Variants in SYNE2 observed in about 807,000 individuals in gnomAD.
SYNE2 encodes the protein spectrin repeat containing nuclear envelope protein 2.
SYNE2 carries 431 observed loss-of-function variants against 856.3 expected under a neutral mutation model. That is an observed-to-expected ratio of 0.50 (90% CI 0.47 to 0.55). SYNE2 has a LOEUF of 0.55. Among genes scored for constraint, SYNE2 ranks in the 20% least tolerant of loss-of-function variants. The pLI is 0.00. For missense variants in SYNE2, 8,129 were observed against 8,023.2 expected (o/e 1.01, Z -0.50); for synonymous variants, 2,923 against 2,872.3 (o/e 1.02, Z -0.56).
At chr14:64,049,008 G>A (rs1405887782) in intron 46 of SYNE2, 1 of 151,972 alleles carries the variant, frequency 6.6e-6, no homozygotes, top group Non-Finnish European at 1.5e-5. Context: ...GATGGGTGAT[G>A]TATGTAAATA....
At chr14:64,017,837 T>G in intron 34 of SYNE2, 81 bp downstream of exon 34, 1 of 1,382,526 alleles carries the variant, frequency 7.2e-7, no homozygotes, top group Non-Finnish European at 1.0e-6. Flanking sequence ...TCAACAAACA[T>G]TAGGATGCTC....
Position 64,170,303 on chromosome 14 carries a change from G to A in SYNE2, c.17076G>A (p.Lys5692=), listed in dbSNP as rs776183802. 2.5e-6 allele frequency: 4 copies of A among 1,614,062 alleles called. No individual in the cohort carries two copies. In the African/African-American group the frequency reaches 4.0e-5, roughly 16 times the overall value. Residue 5692 remains lysine (K), a synonymous_variant, in exon 94 of 116, where the codon AAG becomes AAA. Coordinates refer to ENST00000555002, the MANE Select transcript of SYNE2 (RefSeq NM_182914.3). The part of the protein sequence containing the change: ...QNAVQGVRQR[K]GDVDGLVRQW... ...CTGTCCAGGGTGTTCGGCAGAGGAAGGGTGACGTTGATGGGCTGGTGAGGC... is the reference window on the plus strand; with the variant it reads ...CTGTCCAGGGTGTTCGGCAGAGGAAAGGTGACGTTGATGGGCTGGTGAGGC...
intron 1 of SYNE2, among the ~76,000 whole-genome samples, chr14:63,784,175 T>C (rs1423185724): frequency 6.6e-6 from 1 of 152,150 alleles, no homozygotes; most frequent in Non-Finnish European, 1.5e-5. Context: ...CCTATACTAT[T>C]CTTGCAAGTT....
intron 1 of SYNE2, chr14:63,762,089 G>C: frequency 2.1e-6 from 1 of 476,270 alleles, no homozygotes; most frequent in Non-Finnish European, 4.3e-6. Flanking sequence ...TTTGTTCAAT[G>C]AATTTTTGTT....
chr14:63,815,809 T>G (rs935039605), intron 1 of SYNE2, among the ~76,000 whole-genome samples: 2 of 152,112 alleles, frequency 1.3e-5, no homozygotes, highest in African/African-American at 4.8e-5. Flanking sequence ...ACACTCAAAT[T>G]ACAAGATATG....
chr14:63,866,106 A>T (rs1428947973), intron 1 of SYNE2, among the ~76,000 whole-genome samples: 1 of 152,164 alleles, frequency 6.6e-6, no homozygotes. Context: ...CAAAATACAT[A>T]TAATATGTTC....
intron 2 of SYNE2, among the ~76,000 whole-genome samples, chr14:63,927,304 GT>G (rs2153389732): frequency 1.3e-5 from 2 of 151,812 alleles, no homozygotes; most frequent in African/African-American, 4.8e-5. Flanking sequence ...TCCCAGCACT[GT>G]GGATGGCTGA....
At chr14:63,877,688 T>G (rs2094758202) in intron 1 of SYNE2, among the ~76,000 whole-genome samples, 1 of 152,176 alleles carries the variant, frequency 6.6e-6, no homozygotes, top group Admixed American at 6.6e-5. Flanking sequence ...TATTTAACAG[T>G]GGAGTTGGGG....
intron 1 of SYNE2, among the ~76,000 whole-genome samples, chr14:63,897,068 A>G (rs768799251): frequency 7.9e-5 from 12 of 152,192 alleles, no homozygotes; most frequent in Admixed American, 3.3e-4. Flanking sequence ...CCTGGCCAAC[A>G]TGGTGAAACC....
chr14:63,799,890 G>T (rs1888066929), intron 1 of SYNE2, among the ~76,000 whole-genome samples: 1 of 152,132 alleles, frequency 6.6e-6, no homozygotes, highest in South Asian at 2.1e-4. Context: ...TCTAATAGAA[G>T]ATACTGCCAG....
At chr14:64,017,273 G>C (rs1453418599) in intron 33 of SYNE2, among the ~76,000 whole-genome samples, 1 of 137,712 alleles carries the variant, frequency 7.3e-6, no homozygotes, top group Admixed American at 8.0e-5. Flanking sequence ...AGCTTGCAGT[G>C]AGCCGAGTTC....
At chr14:64,098,925 T>C (rs772710967) in intron 63 of SYNE2, 104 bp downstream of exon 63, 59 of 1,109,262 alleles carry the variant, frequency 5.3e-5, no homozygotes, top group Non-Finnish European at 7.3e-5. Flanking sequence ...TTTTTAAAAT[T>C]AATGTTGATA....
chr14:63,847,308 GTTGGGTGTGGTGGC>G (rs1890258409), intron 1 of SYNE2, among the ~76,000 whole-genome samples: 1 of 151,552 alleles, frequency 6.6e-6, no homozygotes. Context: ...TAATAAATTA[GTTGGGTGTGGTGGC>G]ATGTGCCTGC....
At chr14:64,032,312 CATCTGTA>C (rs2097045772) in intron 45 of SYNE2, among the ~76,000 whole-genome samples, 1 of 152,076 alleles carries the variant, frequency 6.6e-6, no homozygotes, top group Admixed American at 6.5e-5. Flanking sequence ...TGGTGGCTCA[CATCTGTA>C]ATCCTAGCAC....
At chr14:64,179,942 A>C (rs1316433463) in intron 96 of SYNE2, among the ~76,000 whole-genome samples, 1 of 152,212 alleles carries the variant, frequency 6.6e-6, no homozygotes, top group South Asian at 2.1e-4. Context: ...TTCCTTTGCA[A>C]AATCTTCATA....
At chr14:64,224,617 T>C in intron 114 of SYNE2, 70 bp downstream of exon 114, 1 of 1,572,254 alleles carries the variant, frequency 6.4e-7, no homozygotes, top group Non-Finnish European at 8.7e-7. Context: ...GAGGGAAGCT[T>C]GGGATTCCAA....
At chr14:64,038,652 C>CG (rs1270887858) in intron 45 of SYNE2, among the ~76,000 whole-genome samples, 5 of 152,246 alleles carry the variant, frequency 3.3e-5, no homozygotes, top group African/African-American at 1.2e-4. Flanking sequence ...ACCAGCCCGG[C>CG]CAACACAGCG....
chr14:64,040,760 A>G (rs1038050837), intron 45 of SYNE2, among the ~76,000 whole-genome samples: 8 of 151,208 alleles, frequency 5.3e-5, no homozygotes, highest in Non-Finnish European at 1.2e-4. Context: ...GATTGAACAC[A>G]TTTCTGATAA....
chr14:64,046,462 C>T (rs2097187111), intron 45 of SYNE2, among the ~76,000 whole-genome samples: 1 of 152,194 alleles, frequency 6.6e-6, no homozygotes, highest in Non-Finnish European at 1.5e-5. Flanking sequence ...AAGTGATCCT[C>T]CCACCTCAGC....
Sources: gnomAD v4.1 joint callset for allele counts (sites outside exome capture counted in the v4.1 genomes callset) on GRCh38, gnomAD v4.1.1 for gene constraint, MANE v1.5 for transcripts, NCBI Gene and HGNC (gene_info 2026-07-23, HGNC 2026-07-21) for gene names.